Variants in TOPAZ1 observed in about 807,000 individuals in gnomAD.
The protein encoded by TOPAZ1 is protein TOPAZ1.
In TOPAZ1, 66 loss-of-function variants were observed where a neutral mutation model predicts 172.2. That is an observed-to-expected ratio of 0.38 (90% CI 0.31 to 0.47). TOPAZ1 has a LOEUF of 0.47. Ranked by LOEUF, TOPAZ1 falls within the 20% of genes least tolerant of loss-of-function variation. The pLI is 0.99. For missense variants in TOPAZ1, 1,822 were observed against 1,972.4 expected, an observed-to-expected ratio of 0.92 and a Z score of 1.44; for synonymous variants, 681 against 683.9, an observed-to-expected ratio of 1.00 and a Z score of 0.07.
chr3:44,278,018 T>A (rs1699982588), intron 8 of TOPAZ1, among the ~76,000 whole-genome samples: 1 of 152,204 alleles, frequency 6.6e-6, no homozygotes, highest in Admixed American at 6.5e-5. Context: ...AATGACCTAA[T>A]AATACAATGG....
rs1392851495 is a variant in TOPAZ1, at chr3:44,287,828, A to G, written c.3670A>G (p.Ile1224Val). 4 of 1,427,438 alleles carry G rather than the reference A, an allele frequency of 2.8e-6. No individual in the cohort carries two copies. The Admixed American group carries it at 9.1e-5, about 33-fold the overall frequency. 88.4% of individuals were successfully genotyped at this position (1,427,438 alleles called of 1,614,324 possible). ...GAATGCTGTACCTGCTTTAATTGAT[A>G]TCTTTTGCAAGGTATGGTTTTATTT... The part of the protein sequence containing the change: ...LRNAVPALID[I>V]FCKLVEAGMV... Residue 1224 changes from isoleucine to valine, a missense_variant, in exon 11 of 20, where the codon ATC becomes GTC. This residue lies in a region of TOPAZ1 where 1,489 missense variants were observed against 1,490.8 expected (regional missense o/e 1.00). Coordinates refer to ENST00000309765, the MANE Select transcript of TOPAZ1 (RefSeq NM_001145030.2).
rs1242225770 is a variant in TOPAZ1, at chr3:44,282,001, A to G, written c.3406A>G (p.Ile1136Val). Residue 1136 changes from isoleucine to valine, a missense_variant, in exon 9 of 20, where the codon ATC becomes GTC. Physicochemically the swap from Ile to Val is conservative, Grantham distance 29 (BLOSUM62 3). Transcript: ENST00000309765. ...GGATGTGTTTAAGAAATATATAAAT[A>G]TCAATGAACTGTGTTTGCTACAGCG... ...CMDVFKKYIN[I>V]NELCLLQRAV... 5.2e-6 allele frequency: 8 copies of G among 1,548,186 alleles called. No individual in the cohort carries two copies. Among genetic ancestry groups the G allele is most frequent in the South Asian group, 3.6e-5 (3 of 83,220 alleles).
chr3:44,318,193 A>C (rs1252607731), intron 16 of TOPAZ1, among the ~76,000 whole-genome samples: 1 of 152,144 alleles, frequency 6.6e-6, no homozygotes, highest in Non-Finnish European at 1.5e-5. Context: ...CACGCCTGTA[A>C]TCCCAGCACT....
intron 2 of TOPAZ1, among the ~76,000 whole-genome samples, chr3:44,246,361 G>T (rs1472894177): frequency 6.6e-6 from 1 of 152,088 alleles, no homozygotes; most frequent in Non-Finnish European, 1.5e-5. Context: ...TTTGTGAATA[G>T]ACTCAAAGAA....
chr3:44,284,756 G>A (rs1700059705), intron 9 of TOPAZ1, among the ~76,000 whole-genome samples: 1 of 152,180 alleles, frequency 6.6e-6, no homozygotes, highest in Non-Finnish European at 1.5e-5. Context: ...GCATATACCA[G>A]AATGAATCAA....
intron 17 of TOPAZ1, 123 bp downstream of exon 17, chr3:44,321,314 A>G (rs1275359213): frequency 4.4e-6 from 3 of 675,608 alleles, no homozygotes; most frequent in African/African-American, 1.9e-5. Context: ...TTAATGAAGT[A>G]GTTTTCTGTA....
At chr3:44,335,371 A>T (rs1285941604), downstream of TOPAZ1, among the ~76,000 whole-genome samples, 1 of 152,066 alleles carries the variant, frequency 6.6e-6, no homozygotes, top group African/African-American at 2.4e-5. Context: ...CACACCTGTA[A>T]TGCCAGCACT....
Position 44,309,810 on chromosome 3 carries a change from T to C in TOPAZ1, c.4141-15T>C, listed in dbSNP as rs779388498. ...ATGATTGATACCCAATTAGTGTTCT[T>C]TATTTTTATTCTAGGGAAGGAAGGT... On this transcript the variant is annotated splice_polypyrimidine_tract_variant and intron_variant, in intron 15 of 19. Transcript: ENST00000309765. 7.5e-6 allele frequency: 11 copies of C among 1,465,844 alleles called. No individual in the cohort carries two copies. Among genetic ancestry groups the C allele is most frequent in the Non-Finnish European group, 1.0e-5 (11 of 1,092,014 alleles). The allele number at this position is 1,465,844 out of a possible 1,614,324, so 90.8% of individuals were successfully genotyped here.
At chr3:44,271,970 T>C (rs1024023370) in intron 8 of TOPAZ1, among the ~76,000 whole-genome samples, 1 of 152,226 alleles carries the variant, frequency 6.6e-6, no homozygotes, top group Non-Finnish European at 1.5e-5. Context: ...CTTTGAGTTT[T>C]AGATTCCATA....
At chr3:44,258,557 A>G (rs899572606) in intron 4 of TOPAZ1, among the ~76,000 whole-genome samples, 3 of 151,896 alleles carry the variant, frequency 2.0e-5, no homozygotes, top group East Asian at 1.9e-4. Flanking sequence ...ATCATACAGT[A>G]TGTAACCTCT....
chr3:44,323,801 C>A (rs1189583057), intron 18 of TOPAZ1, among the ~76,000 whole-genome samples: 1 of 152,216 alleles, frequency 6.6e-6, no homozygotes, highest in Non-Finnish European at 1.5e-5. Context: ...AATCTACTTA[C>A]AGCTGTTGTT....
chr3:44,271,429 C>G (rs1699897306), intron 8 of TOPAZ1, among the ~76,000 whole-genome samples: 1 of 152,014 alleles, frequency 6.6e-6, no homozygotes, highest in Admixed American at 6.6e-5. Context: ...GGGATATGCT[C>G]TATTTGGAAA....
chr3:44,267,699 G>A (rs1699847709), intron 6 of TOPAZ1, among the ~76,000 whole-genome samples: 1 of 152,154 alleles, frequency 6.6e-6, no homozygotes, highest in African/African-American at 2.4e-5. Flanking sequence ...TTGATGGAGT[G>A]TGTATATGTA....
rs1011462589 is a variant in TOPAZ1, at chr3:44,256,012, G to A, written c.2828-139G>A. ...ATAGAGAGGAATTATTGTATAATTC[G>A]CTGAAAACTCTGCTTCATATTTGTC... On this transcript the variant is annotated intron_variant, in intron 3 of 19. Coordinates refer to ENST00000309765, the MANE Select transcript of TOPAZ1 (RefSeq NM_001145030.2). The A allele has an allele frequency of 3.7e-5, 18 of 492,490 alleles. 1 individual carries two copies. The highest frequency in any genetic ancestry group is 8.4e-5 in the Admixed American group (2 of 23,744). The allele number at this position is 492,490 out of a possible 1,614,324, so 30.5% of individuals were successfully genotyped here. A position where few individuals can be genotyped will look rare whatever the true frequency, so the allele number is the denominator to read the frequency against.
At chr3:44,323,829 G>A (rs1019933766) in intron 18 of TOPAZ1, among the ~76,000 whole-genome samples, 9 of 152,148 alleles carry the variant, frequency 5.9e-5, no homozygotes, top group African/African-American at 1.9e-4. Flanking sequence ...AAATAAGCCT[G>A]GAAAACTAGT....
intron 12 of TOPAZ1, among the ~76,000 whole-genome samples, chr3:44,303,655 C>G (rs1048299416): frequency 6.6e-6 from 1 of 152,008 alleles, no homozygotes; most frequent in South Asian, 2.1e-4. Context: ...GCCACAAATC[C>G]TGTGGAGCAG....
In TOPAZ1 at chr3:44,242,201, A is replaced by G. The variant is rs1233408910; in HGVS notation, c.148A>G (p.Arg50Gly). 1 of 1,544,416 alleles carries G rather than the reference A, an allele frequency of 6.5e-7. No individual in the cohort carries two copies. The highest frequency in any genetic ancestry group is 1.4e-5 in the African/African-American group (1 of 72,496). ...AGGCRENKQK[R>G]RMVARATPGR... ...GGGGTGCCGGGAAAATAAGCAAAAG[A>G]GGAGAATGGTGGCCCGGGCCACCCC... The change falls in exon 1 of 20, where the codon AGG becomes GGG. Residue 50 changes from arginine (R) to glycine (G), a missense_variant. By Grantham distance (125) the Arg-to-Gly change is moderately radical (BLOSUM62 -2). Around this residue, in one of 2 missense-constraint regions of TOPAZ1, gnomAD observed 1,489 missense variants for 1,490.8 expected, o/e 1.00. Transcript: ENST00000309765.
chr3:44,256,909 G>A (rs1330899497), intron 4 of TOPAZ1, among the ~76,000 whole-genome samples: 5 of 152,008 alleles, frequency 3.3e-5, no homozygotes, highest in Admixed American at 2.0e-4. Context: ...CTTCTTTTCT[G>A]CTTTTATATA....
chr3:44,263,806 T>C (rs1699800582), intron 5 of TOPAZ1, among the ~76,000 whole-genome samples: 1 of 152,154 alleles, frequency 6.6e-6, no homozygotes, highest in Admixed American at 6.5e-5. Context: ...ACTAATCAGC[T>C]CTGAAGTACT....
Sources: gnomAD v4.1 joint callset for allele counts (sites outside exome capture counted in the v4.1 genomes callset) on GRCh38, gnomAD v4.1.1 for gene constraint, gnomAD v4.1.1 regional missense constraint, MANE v1.5 for transcripts, NCBI Gene and HGNC (gene_info 2026-07-23, HGNC 2026-07-21) for gene names.